The following OR2T12 variants were observed in gnomAD, a reference collection of about 807,000 sequenced individuals.
OR2T12 encodes olfactory receptor 2T12.
For missense variants in OR2T12, 335 were observed against 404.3 expected (o/e 0.83, Z 1.47); for synonymous variants, 127 against 160.5 (o/e 0.79, Z 1.58).
In OR2T12 at chr1:248,298,946, G is replaced by T. The variant is rs569774876; in HGVS notation, c.-9+2427C>A. On this transcript the variant is annotated intron_variant, in intron 2 of 2. Coordinates refer to ENST00000641276, the MANE Select transcript of OR2T12 (RefSeq NM_001004692.2). Reference sequence around the variant, plus strand: ...TATCTAGCCAAACTAAGCTTCATAAGTGAAGGAGAAATAAAATACTTTACA... The same window carrying T: ...TATCTAGCCAAACTAAGCTTCATAATTGAAGGAGAAATAAAATACTTTACA... 5.3e-5 allele frequency among the ~76,000 whole-genome samples: 8 copies of T among 152,142 alleles called. No homozygotes were observed. In the East Asian group the frequency reaches 1.4e-3, roughly 26 times the overall value.
At position 248,295,132 on chromosome 1, in the gene OR2T12, C is replaced by A; in HGVS notation, c.447G>T (p.Leu149=). 1 of 1,605,898 alleles carries A rather than the reference C, an allele frequency of 6.2e-7. No homozygotes were observed. Among genetic ancestry groups the A allele is most frequent in the Non-Finnish European group, 8.5e-7 (1 of 1,177,574 alleles). ...CCTGCAGGAGGCCGTCAGCTGCACC[C>A]AGGAGCCAGGACGACATGGTCATCC... ...CLRMTMSSWL[L]GAADGLLQAV... is the part of the protein sequence containing the mutation. The change falls in exon 3 of 3, where the codon CTG becomes CTT. Residue 149 remains leucine (L), a synonymous_variant. Transcript: ENST00000641276.
chr1:248,298,561 C>A (rs1180545658), intron 2 of OR2T12, among the ~76,000 whole-genome samples: 2 of 151,476 alleles, frequency 1.3e-5, no homozygotes, highest in Non-Finnish European at 2.9e-5. Flanking sequence ...GATTCAACTT[C>A]TTCCTGGTTT....
At position 248,298,909 on chromosome 1, in the gene OR2T12, C is replaced by A. The variant is rs1287282900; in HGVS notation, c.-9+2464G>T. ...CTTCTGCTAGCTTTTGAATTTTCAA[C>A]CCAGAATTTCATATCTAGCCAAACT... On this transcript the variant is annotated intron_variant, in intron 2 of 2. Coordinates refer to ENST00000641276, the MANE Select transcript of OR2T12 (RefSeq NM_001004692.2). Among the ~76,000 whole-genome samples, 4 of 152,198 alleles carry A rather than the reference C, an allele frequency of 2.6e-5. No individual in the cohort carries two copies. In the South Asian group the frequency reaches 6.2e-4, roughly 24 times the overall value.
chr1:248,302,110 C>A (rs913611480), intron 1 of OR2T12, among the ~76,000 whole-genome samples: 1 of 151,380 alleles, frequency 6.6e-6, no homozygotes, highest in Non-Finnish European at 1.5e-5. Context: ...ACTGTGTAGT[C>A]CACCGAGGTT....
In OR2T12 at chr1:248,295,331, T is replaced by C; in HGVS notation, c.248A>G (p.Tyr83Cys). The change falls in exon 3 of 3, where the codon TAC (tyrosine) becomes TGC (cysteine). Residue 83 changes from tyrosine (Y) to cysteine (C), a missense_variant. Tyr to Cys is a radical substitution (Grantham distance 194). Coordinates refer to ENST00000641276, the MANE Select transcript of OR2T12 (RefSeq NM_001004692.2). ...STTVPKMAAD[Y>C]LTGNKAISRA... Reference sequence around the variant, plus strand: ...GGAGATGGCCTTATTTCCGGTCAAGTAGTCAGCCGCCATTTTGGGCACAGT... The same window carrying C: ...GGAGATGGCCTTATTTCCGGTCAAGCAGTCAGCCGCCATTTTGGGCACAGT... The C allele has an allele frequency of 1.2e-6, 2 of 1,608,220 alleles. No homozygotes were observed. The highest frequency in any genetic ancestry group is 1.7e-6 in the Non-Finnish European group (2 of 1,177,884).
chr1:248,295,156 C>T lies in OR2T12; in HGVS notation c.423G>A (p.Arg141=), dbSNP rs755098391. 8.7e-6 allele frequency: 14 copies of T among 1,608,184 alleles called. 1 individual carries two copies. The highest frequency in any genetic ancestry group is 1.1e-5 in the Non-Finnish European group (13 of 1,179,132). The change falls in exon 3 of 3, where the codon AGG becomes AGA. Residue 141 remains arginine, a synonymous_variant. Coordinates refer to ENST00000641276, the MANE Select transcript of OR2T12 (RefSeq NM_001004692.2). ...PTLMSWQLCL[R]MTMSSWLLGA... The stretch of plus-strand genomic sequence containing the variant: ...CCAGGAGCCAGGACGACATGGTCAT[C>T]CTCAGGCACAGCTGCCAGCTCATGA...
In OR2T12 at chr1:248,299,020, G is replaced by C. The variant is rs1199283632; in HGVS notation, c.-9+2353C>G. 4.6e-5 allele frequency among the ~76,000 whole-genome samples: 7 copies of C among 152,182 alleles called. No homozygotes were observed. The East Asian group carries it at 1.4e-3, about 29-fold the overall frequency. The stretch of plus-strand genomic sequence containing the variant: ...TGTCACCACCAGGCCTGCCCTAAAA[G>C]AGCTCCTGAAGGAAGCACTAAACAT... On this transcript the variant is annotated intron_variant, in intron 2 of 2. Coordinates refer to ENST00000641276, the MANE Select transcript of OR2T12 (RefSeq NM_001004692.2).
chr1:248,291,950 C>G lies in OR2T12; in HGVS notation c.*2666G>C, dbSNP rs1659640119. The G allele has an allele frequency of 6.6e-6, 1 of 152,012 alleles. No individual in the cohort carries two copies. The highest frequency in any genetic ancestry group is 1.5e-5 in the Non-Finnish European group (1 of 67,982). The allele number at this position is 152,012 out of a possible 1,614,324, so 9.4% of individuals were successfully genotyped here. A position where few individuals can be genotyped will look rare whatever the true frequency, so the allele number is the denominator to read the frequency against. On this transcript the variant is annotated 3_prime_UTR_variant, in exon 3 of 3. Transcript: ENST00000641276. ...AAATCACTCAAGATGAAGACTTAAA[C>G]ATAAAACATAAAACCATAAAAACCC...
At chr1:248,299,590 G>C (rs114831761) in intron 2 of OR2T12, among the ~76,000 whole-genome samples, 1 of 152,088 alleles carries the variant, frequency 6.6e-6, no homozygotes, top group Non-Finnish European at 1.5e-5. Flanking sequence ...AATAATGGAA[G>C]ACTTCAACAC....
Position 248,294,298 on chromosome 1 carries a change from G to A in OR2T12, c.*318C>T. ...GTTACCTTACTTCTCCCAAGGCATAGGTAAGTAGAGATATTTTTGATGAAA... is the reference window on the plus strand; with the variant it reads ...GTTACCTTACTTCTCCCAAGGCATAAGTAAGTAGAGATATTTTTGATGAAA... On this transcript the variant is annotated 3_prime_UTR_variant, in exon 3 of 3. Transcript: ENST00000641276. The A allele has an allele frequency of 4.1e-6, 1 of 245,866 alleles. No individual in the cohort carries two copies. Among genetic ancestry groups the A allele is most frequent in the South Asian group, 6.9e-5 (1 of 14,446 alleles). The allele number at this position is 245,866 out of a possible 1,614,324, so 15.2% of individuals were successfully genotyped here. A position where few individuals can be genotyped will look rare whatever the true frequency, so the allele number is the denominator to read the frequency against.
chr1:248,302,160 GAAACA>G (rs928905796), intron 1 of OR2T12, among the ~76,000 whole-genome samples: 5 of 151,894 alleles, frequency 3.3e-5, no homozygotes, highest in Non-Finnish European at 7.4e-5. Context: ...GAATGATCAG[GAAACA>G]AAACAAAACA....
In OR2T12 at chr1:248,291,229, A is replaced by AG. The variant is rs1337209441; in HGVS notation, c.*3386dup. ...AGCTCAAAATCTCCTTAAGCTGATAAGCAACTTCAGCAAAGTCTCAGGATA... is the reference window on the plus strand; with the variant it reads ...AGCTCAAAATCTCCTTAAGCTGATAAGGCAACTTCAGCAAAGTCTCAGGATA... On this transcript the variant is annotated 3_prime_UTR_variant, in exon 3 of 3. Transcript: ENST00000641276. 1.1e-4 allele frequency: 16 copies of AG among 152,146 alleles called. No homozygotes were observed. The highest frequency in any genetic ancestry group is 1.0e-3 in the Admixed American group (16 of 15,258). 9.4% of individuals were successfully genotyped at this position (152,146 alleles called of 1,614,324 possible). A position where few individuals can be genotyped will look rare whatever the true frequency, so the allele number is the denominator to read the frequency against.
Position 248,290,773 on chromosome 1 carries a change from G to C in OR2T12, c.*3843C>G, listed in dbSNP as rs1238841190. Reference sequence around the variant, plus strand: ...TATTTTATTATACTTTAAGTTTTAGGGTACATGTGCACAATGTGCAGGTTT... The same window carrying C: ...TATTTTATTATACTTTAAGTTTTAGCGTACATGTGCACAATGTGCAGGTTT... On this transcript the variant is annotated 3_prime_UTR_variant, in exon 3 of 3. Transcript: ENST00000641276. 6.6e-6 allele frequency: 1 copy of C among 152,018 alleles called. No homozygotes were observed. The highest frequency in any genetic ancestry group is 1.5e-5 in the Non-Finnish European group (1 of 67,996). The allele number at this position is 152,018 out of a possible 1,614,324, so 9.4% of individuals were successfully genotyped here. A position where few individuals can be genotyped will look rare whatever the true frequency, so the allele number is the denominator to read the frequency against.
chr1:248,292,757 T>C lies in OR2T12; in HGVS notation c.*1859A>G, dbSNP rs982942944. The C allele has an allele frequency of 2.7e-5, 3 of 109,134 alleles. No homozygotes were observed. Among genetic ancestry groups the C allele is most frequent in the African/African-American group, 7.9e-5 (3 of 38,132 alleles). 6.8% of individuals were successfully genotyped at this position (109,134 alleles called of 1,614,324 possible). On this transcript the variant is annotated 3_prime_UTR_variant, in exon 3 of 3. Coordinates refer to ENST00000641276, the MANE Select transcript of OR2T12 (RefSeq NM_001004692.2). ...TGGAGATAATGTTCATTCCGTGGTT[T>C]TGTTGTTGTTGTTGTTTTAGTTTTC...
In OR2T12 at chr1:248,294,441, A is replaced by T; in HGVS notation, c.*175T>A. 1 of 769,824 alleles carries T rather than the reference A, an allele frequency of 1.3e-6. No individual in the cohort carries two copies. Among genetic ancestry groups the T allele is most frequent in the Non-Finnish European group, 2.0e-6 (1 of 489,400 alleles). The allele number at this position is 769,824 out of a possible 1,614,324, so 47.7% of individuals were successfully genotyped here. A position where few individuals can be genotyped will look rare whatever the true frequency, so the allele number is the denominator to read the frequency against. On this transcript the variant is annotated 3_prime_UTR_variant, in exon 3 of 3. Transcript: ENST00000641276. ...GGTATTACTTCACTTGAAGAAAAGTACATAAATGCTCAAAAATGGTATCTG... is the reference window on the plus strand; with the variant it reads ...GGTATTACTTCACTTGAAGAAAAGTTCATAAATGCTCAAAAATGGTATCTG...
In OR2T12 at chr1:248,290,583, G is replaced by A. The variant is rs575574088; in HGVS notation, c.*4033C>T. ...TCCTTTGGGTATATACCCAGAAATGGGATTTCTGGGTCAAATGGCATTTCT... is the reference window on the plus strand; with the variant it reads ...TCCTTTGGGTATATACCCAGAAATGAGATTTCTGGGTCAAATGGCATTTCT... On this transcript the variant is annotated 3_prime_UTR_variant, in exon 3 of 3. Transcript: ENST00000641276. 1 of 152,142 alleles carries A rather than the reference G, an allele frequency of 6.6e-6. No homozygotes were observed. Among genetic ancestry groups the A allele is most frequent in the Admixed American group, 6.5e-5 (1 of 15,274 alleles). 9.4% of individuals were successfully genotyped at this position (152,142 alleles called of 1,614,324 possible).
chr1:248,294,885 G>C lies in OR2T12; in HGVS notation c.694C>G (p.Arg232Gly). The C allele has an allele frequency of 6.2e-7, 1 of 1,612,004 alleles. No homozygotes were observed. The highest frequency in any genetic ancestry group is 8.5e-7 in the Non-Finnish European group (1 of 1,179,844). ...GAGCAGGTGGCAAAGGCCTTCTTGC[G>C]GGCTTCTGTAGAGCGCATGAGCAGA... is the stretch of plus-strand genomic sequence containing the variant. Reference protein sequence around the residue: ...AVLLMRSTEARKKAFATCSSH... With the variant: ...AVLLMRSTEAGKKAFATCSSH... The change falls in exon 3 of 3, where the codon CGC (arginine) becomes GGC (glycine). Residue 232 changes from arginine (R) to glycine (G), a missense_variant. Physicochemically the swap from Arg to Gly is moderately radical, Grantham distance 125. Coordinates refer to ENST00000641276, the MANE Select transcript of OR2T12 (RefSeq NM_001004692.2).
Position 248,291,017 on chromosome 1 carries a change from T to A in OR2T12, c.*3599A>T, listed in dbSNP as rs1659625128. On this transcript the variant is annotated 3_prime_UTR_variant, in exon 3 of 3. Transcript: ENST00000641276. ...TTTTGATGGGGTTGTTTTTTTTTTC[T>A]TATAAATATGTTTAAGTTCCTTGTA... 1 of 148,546 alleles carries A rather than the reference T, an allele frequency of 6.7e-6. No homozygotes were observed. The highest frequency in any genetic ancestry group is 2.2e-4 in the South Asian group (1 of 4,638). 9.2% of individuals were successfully genotyped at this position (148,546 alleles called of 1,614,324 possible).
chr1:248,295,674 T>A (rs536654792), intron 2 of OR2T12, 88 bp from the exon 3 acceptor site: 2 of 1,481,286 alleles, frequency 1.4e-6, no homozygotes, highest in Non-Finnish European at 1.8e-6. Flanking sequence ...TCTGGACATA[T>A]GTACTGGATA....
Sources: allele counts gnomAD v4.1 joint callset (sites outside exome capture counted in the v4.1 genomes callset), GRCh38; gene constraint gnomAD v4.1.1; transcripts MANE v1.5; gene names NCBI Gene and HGNC (gene_info 2026-07-23, HGNC 2026-07-21).